The following ERCC4 variants were observed in gnomAD, a reference collection of about 807,000 sequenced individuals.
ERCC4 encodes DNA repair endonuclease XPF.
A neutral mutation model predicts 76.9 loss-of-function variants in ERCC4; 65 were observed. The ratio of observed to expected loss-of-function variants is 0.84; its 90% CI spans 0.69 to 1.04. The LOEUF (loss-of-function observed/expected upper bound fraction) is 1.04. ERCC4 is among the 50% of genes least tolerant of loss of function. ERCC4 has a pLI of 0.00. For synonymous variants in ERCC4, 463 were observed against 410.1 expected, an observed-to-expected ratio of 1.13 and a Z score of -1.56; for missense variants, 1,214 against 1,128.2, an observed-to-expected ratio of 1.08 and a Z score of -1.09.
Position 13,920,186 on chromosome 16 carries a change from T to C in ERCC4, c.21T>C (p.Ala7=), listed in dbSNP as rs759774291. The change falls in exon 1 of 11, where the codon GCT becomes GCC. Residue 7 remains alanine, a synonymous_variant. Coordinates refer to ENST00000311895, the MANE Select transcript of ERCC4 (RefSeq NM_005236.3). MESGQP[A]RRIAMAPLLE... is the part of the protein sequence containing the mutation. ...CTTCCATGGAGTCAGGGCAGCCGGC[T>C]CGACGGATTGCCATGGCGCCGCTGC... 3 of 1,606,264 alleles carry C rather than the reference T, an allele frequency of 1.9e-6. No individual in the cohort carries two copies. The highest frequency in any genetic ancestry group is 2.5e-6 in the Non-Finnish European group (3 of 1,179,870).
In ERCC4 at chr16:13,935,739, C is replaced by T. The variant is rs745442045; in HGVS notation, c.1807C>T (p.Leu603=). The T allele has an allele frequency of 6.2e-7, 1 of 1,609,258 alleles. No individual in the cohort carries two copies. The highest frequency in any genetic ancestry group is 8.5e-7 in the Non-Finnish European group (1 of 1,175,544). ...IYRASRPGKP[L]RVYFLIYGGS... ...CAGGGCGAGTAGGCCTGGGAAACCT[C>T]TGAGGCAAGTTATAAAGAATCACAG... is the stretch of plus-strand genomic sequence containing the variant. The change falls in exon 8 of 11, where the codon CTG becomes TTG. Residue 603 remains leucine, a synonymous_variant. Coordinates refer to ENST00000311895, the MANE Select transcript of ERCC4 (RefSeq NM_005236.3).
intron 10 of ERCC4, among the ~76,000 whole-genome samples, chr16:13,945,502 G>A (rs973299077): frequency 1.3e-4 from 20 of 152,194 alleles, no homozygotes; most frequent in African/African-American, 3.1e-4. Flanking sequence ...AAAGCAATAC[G>A]ATTGAGTTGG....
rs148904556 is a variant in ERCC4, at chr16:13,920,173, C to T, written c.8C>T (p.Ser3Leu). 7.5e-5 allele frequency: 120 copies of T among 1,605,214 alleles called. No homozygotes were observed. The highest frequency in any genetic ancestry group is 9.8e-5 in the Non-Finnish European group (116 of 1,179,820). ME[S>L]GQPARRIAMA... The stretch of plus-strand genomic sequence containing the variant: ...CGACCCGGAAGAGCTTCCATGGAGT[C>T]AGGGCAGCCGGCTCGACGGATTGCC... The change falls in exon 1 of 11, where the codon TCA becomes TTA. Residue 3 changes from serine (S) to leucine (L), a missense_variant. Physicochemically the swap from Ser to Leu is moderately radical, Grantham distance 145 (BLOSUM62 -2). Transcript: ENST00000311895.
intron 2 of ERCC4, 45 bp from the exon 3 acceptor site, chr16:13,926,516 A>C: frequency 3.3e-6 from 5 of 1,532,706 alleles, no homozygotes; most frequent in Non-Finnish European, 4.5e-6. Context: ...ATGAATGGCA[A>C]TTACCTACCT....
rs1004800990 is a variant in ERCC4 at position 13,925,179 on chromosome 16, T to A, written c.389-1382T>A. Among the ~76,000 whole-genome samples the A allele has an allele frequency of 3.9e-5, 6 of 152,326 alleles. No individual in the cohort carries two copies. The South Asian group carries it at 1.2e-3, about 32-fold the overall frequency. On this transcript the variant is annotated intron_variant, in intron 2 of 10. Transcript: ENST00000311895. Reference sequence around the variant, plus strand: ...AAATCTATAGAAACACCTAACCCAGTTACCTGGGATGTAGTATCAGTTCTC... The same window carrying A: ...AAATCTATAGAAACACCTAACCCAGATACCTGGGATGTAGTATCAGTTCTC...
rs1183979194 is a variant in ERCC4 at position 13,950,727 on chromosome 16, A to G, written c.*2380A>G. On this transcript the variant is annotated 3_prime_UTR_variant, in exon 11 of 11. Transcript: ENST00000311895. Reference sequence around the variant, plus strand: ...GTGGTTTCTATTTTTTTCCTCTTGTATAATTCCACTTGCTTTTAATTGTTG... The same window carrying G: ...GTGGTTTCTATTTTTTTCCTCTTGTGTAATTCCACTTGCTTTTAATTGTTG... 2 of 193,568 alleles carry G rather than the reference A, an allele frequency of 1.0e-5. No individual in the cohort carries two copies. The highest frequency in any genetic ancestry group is 2.2e-5 in the Non-Finnish European group (2 of 93,012). 12.0% of individuals were successfully genotyped at this position (193,568 alleles called of 1,614,324 possible).
Position 13,947,668 on chromosome 16 carries a change from T to C in ERCC4, c.2072T>C (p.Phe691Ser). The C allele has an allele frequency of 6.2e-7, 1 of 1,614,178 alleles. No homozygotes were observed. The highest frequency in any genetic ancestry group is 8.5e-7 in the Non-Finnish European group (1 of 1,180,034). The change falls in exon 11 of 11, where the codon TTT becomes TCT. Residue 691 changes from phenylalanine (F) to serine (S), a missense_variant. By Grantham distance (155) the Phe-to-Ser change is radical. Transcript: ENST00000311895. ...AGCATAGTTGTGGATATGCGTGAAT[T>C]TCGAAGTGAGCTTCCATCTCTGATC... Reference protein sequence around the residue: ...QQSIVVDMREFRSELPSLIHR... With the variant: ...QQSIVVDMRESRSELPSLIHR...
intron 8 of ERCC4, 77 bp downstream of exon 8, chr16:13,935,820 T>G: frequency 9.3e-7 from 1 of 1,069,560 alleles, no homozygotes; most frequent in Admixed American, 1.7e-5. Flanking sequence ...AGTTGCATGT[T>G]AGTTTTCTTT....
chr16:13,930,676 A>T (rs1339255009), intron 4 of ERCC4, 34 bp from the exon 5 acceptor site: 3 of 1,493,128 alleles, frequency 2.0e-6, no homozygotes, highest in Non-Finnish European at 1.9e-6. Flanking sequence ...TACTTAACAT[A>T]TTTTAGCAAT....
chr16:13,921,696 C>T lies in ERCC4; in HGVS notation c.208-335C>T, dbSNP rs3136054. On this transcript the variant is annotated intron_variant, in intron 1 of 10. Coordinates refer to ENST00000311895, the MANE Select transcript of ERCC4 (RefSeq NM_005236.3). ...CTCATAGAATGTGCTTGGCTACAAA[C>T]CTGGCTTTGGTGGGAAGTATTTTCT... is the stretch of plus-strand genomic sequence containing the variant. Among the ~76,000 whole-genome samples the T allele has an allele frequency of 9.4e-4, 143 of 152,260 alleles. 1 individual carries two copies. Among genetic ancestry groups the T allele is most frequent in the African/African-American group, 3.3e-3 (137 of 41,552 alleles).
chr16:13,922,351 G>A, intron 2 of ERCC4, 140 bp downstream of exon 2: 1 of 775,122 alleles, frequency 1.3e-6, no homozygotes. Context: ...CTTTGGTAGG[G>A]GTCGTGGGGC....
chr16:13,934,925 A>G, intron 7 of ERCC4: 1 of 505,794 alleles, frequency 2.0e-6, no homozygotes, highest in Admixed American at 3.1e-5. Context: ...ATAAGATTAA[A>G]TAGTCTGGCT....
At chr16:13,945,529 G>T (rs920550865) in intron 10 of ERCC4, among the ~76,000 whole-genome samples, 1 of 152,176 alleles carries the variant, frequency 6.6e-6, no homozygotes, top group Non-Finnish European at 1.5e-5. Flanking sequence ...CTTCGGTGAG[G>T]CCAAGTACAG....
In ERCC4 at chr16:13,937,828, A is replaced by C; in HGVS notation, c.1874A>C (p.Lys625Thr). 6.2e-7 allele frequency: 1 copy of C among 1,613,386 alleles called. No individual in the cohort carries two copies. Among genetic ancestry groups the C allele is most frequent in the Non-Finnish European group, 8.5e-7 (1 of 1,179,308 alleles). Residue 625 changes from lysine to threonine, a missense_variant, in exon 9 of 11, where the codon AAA (lysine) becomes ACA (threonine). Coordinates refer to ENST00000311895, the MANE Select transcript of ERCC4 (RefSeq NM_005236.3). ...EEQRYLTALR[K>T]EKEAFEKLIR... Reference sequence around the variant, plus strand: ...CAACGCTATCTCACTGCTTTGCGGAAAGAAAAGGAAGCTTTTGAAAAACTC... The same window carrying C: ...CAACGCTATCTCACTGCTTTGCGGACAGAAAAGGAAGCTTTTGAAAAACTC...
chr16:13,936,868 CT>C (rs2032307290), intron 8 of ERCC4, among the ~76,000 whole-genome samples: 1 of 149,776 alleles, frequency 6.7e-6, no homozygotes, highest in Non-Finnish European at 1.5e-5. Context: ...ATTCAGCTCT[CT>C]TAGCAACAAA....
rs757281318 is a variant in ERCC4 at position 13,935,510 on chromosome 16, G to C, written c.1578G>C (p.Pro526=). ...TAAGCAGTAGCCCAGAAAGCTGCCC[G>C]GAAGAAATTAAGCATGAAGAATTTG... ...REISSSPESC[P]EEIKHEEFDV... is the part of the protein sequence containing the mutation. The change falls in exon 8 of 11, where the codon CCG becomes CCC. Residue 526 remains proline, a synonymous_variant. Coordinates refer to ENST00000311895, the MANE Select transcript of ERCC4 (RefSeq NM_005236.3). 1 of 1,614,006 alleles carries C rather than the reference G, an allele frequency of 6.2e-7. No individual in the cohort carries two copies. Among genetic ancestry groups the C allele is most frequent in the Non-Finnish European group, 8.5e-7 (1 of 1,180,006 alleles).
At chr16:13,943,600 G>A (rs1030602186) in intron 9 of ERCC4, among the ~76,000 whole-genome samples, 5 of 152,146 alleles carry the variant, frequency 3.3e-5, no homozygotes, top group African/African-American at 1.2e-4. Flanking sequence ...ATTTGCGTGG[G>A]GACCCAGCCA....
intron 2 of ERCC4, among the ~76,000 whole-genome samples, chr16:13,923,751 T>C (rs3136069): frequency 4.7e-4 from 72 of 152,318 alleles, no homozygotes; most frequent in Middle Eastern, 6.8e-3. Flanking sequence ...CTCTTAGTAA[T>C]TCATACCAAA....
Position 13,948,450 on chromosome 16 carries a change from C to G in ERCC4, c.*103C>G, listed in dbSNP as rs2141621755. Reference sequence around the variant, plus strand: ...TATTGGTTTGCTATTTCATTCTTTTCCAATGCTCTTAATGATTGTACGGTG... The same window carrying G: ...TATTGGTTTGCTATTTCATTCTTTTGCAATGCTCTTAATGATTGTACGGTG... On this transcript the variant is annotated 3_prime_UTR_variant, in exon 11 of 11. Transcript: ENST00000311895. 1 of 1,349,662 alleles carries G rather than the reference C, an allele frequency of 7.4e-7. No individual in the cohort carries two copies. The highest frequency in any genetic ancestry group is 1.0e-6 in the Non-Finnish European group (1 of 956,076). 83.6% of individuals were successfully genotyped at this position (1,349,662 alleles called of 1,614,324 possible). A position where few individuals can be genotyped will look rare whatever the true frequency, so the allele number is the denominator to read the frequency against.
Sources: gnomAD v4.1 joint callset for allele counts (sites outside exome capture counted in the v4.1 genomes callset) on GRCh38, gnomAD v4.1.1 for gene constraint, MANE v1.5 for transcripts, NCBI Gene and HGNC (gene_info 2026-07-23, HGNC 2026-07-21) for gene names.